CDH8: variants seen among roughly 807,000 people sequenced by gnomAD.
CDH8 encodes the protein cadherin 8.
In CDH8, 17 loss-of-function variants were observed where a neutral mutation model predicts 68.1. The ratio of observed to expected loss-of-function variants is 0.25; its 90% CI spans 0.17 to 0.37. The LOEUF is 0.37. Ranked by LOEUF, CDH8 falls within the 10% of genes least tolerant of loss-of-function variation. The pLI, the probability that CDH8 is intolerant of heterozygous loss-of-function variation, is 1.00. For missense variants in CDH8, 763 were observed against 999.3 expected (o/e 0.76, Z 3.19); for synonymous variants, 372 against 365.1 (o/e 1.02, Z -0.21).
At chr16:61,820,325 T>TTG (rs1389478364) in intron 6 of CDH8, among the ~76,000 whole-genome samples, 1 of 147,892 alleles carries the variant, frequency 6.8e-6, no homozygotes, top group East Asian at 2.0e-4. Context: ...TTTTTTTTTT[T>TTG]TTTTTTTTTT....
At chr16:61,690,559 T>A (rs932321519) in intron 10 of CDH8, among the ~76,000 whole-genome samples, 4 of 152,082 alleles carry the variant, frequency 2.6e-5, no homozygotes, top group African/African-American at 9.7e-5. Context: ...ATTTGTACAC[T>A]TTTGATAAGC....
Position 61,694,116 on chromosome 16 carries a change from G to A in CDH8, c.1654+19725C>T, listed in dbSNP as rs77702101. ...CAGAGTGAGGAATCCTATTTTGATCGATCATAATCTAAAATTGACTTTTGT... is the reference window on the plus strand; with the variant it reads ...CAGAGTGAGGAATCCTATTTTGATCAATCATAATCTAAAATTGACTTTTGT... On this transcript the variant is annotated intron_variant, in intron 10 of 11. Coordinates refer to ENST00000577390, the MANE Select transcript of CDH8 (RefSeq NM_001796.5). Among the ~76,000 whole-genome samples, 937 of 152,210 alleles carry A rather than the reference G, an allele frequency of 6.2e-3. 9 individuals carry two copies. Among genetic ancestry groups the A allele is most frequent in the African/African-American group, 0.022 (902 of 41,528 alleles).
intron 7 of CDH8, among the ~76,000 whole-genome samples, chr16:61,800,646 G>T (rs1567476311): frequency 6.6e-6 from 1 of 152,148 alleles, no homozygotes; most frequent in African/African-American, 2.4e-5. Flanking sequence ...CTGTTTCAAA[G>T]GCACTTCAGC....
At position 61,971,111 on chromosome 16, in the gene CDH8, C is replaced by G. The variant is rs372996344; in HGVS notation, c.252+50041G>C. ...GATCCACCCTGCCCGCAAAACATTG[C>G]TCTTAACTTCACCGCCTATCCCAAA... On this transcript the variant is annotated intron_variant, in intron 2 of 11. Coordinates refer to ENST00000577390, the MANE Select transcript of CDH8 (RefSeq NM_001796.5). 1.7e-4 allele frequency among the ~76,000 whole-genome samples: 26 copies of G among 152,284 alleles called. No homozygotes were observed. In the East Asian group the frequency reaches 4.9e-3, roughly 28 times the overall value.
At position 61,900,555 on chromosome 16, in the gene CDH8, T is replaced by C. The variant is rs534113435; in HGVS notation, c.547+624A>G. Among the ~76,000 whole-genome samples the C allele has an allele frequency of 2.6e-5, 4 of 152,282 alleles. 1 individual carries two copies. In the South Asian group the frequency reaches 8.3e-4, roughly 32 times the overall value. The stretch of plus-strand genomic sequence containing the variant: ...AGAGGGAGAAACAAGAATAAAATCA[T>C]GTTTGAAATACAGACTGCTCTGTAA... On this transcript the variant is annotated intron_variant, in intron 3 of 11. Coordinates refer to ENST00000577390, the MANE Select transcript of CDH8 (RefSeq NM_001796.5).
intron 4 of CDH8, among the ~76,000 whole-genome samples, chr16:61,854,123 T>C (rs1962997353): frequency 8.1e-6 from 1 of 124,068 alleles, no homozygotes; most frequent in Non-Finnish European, 1.6e-5. Context: ...TGCACACATA[T>C]ACACATACAC....
intron 8 of CDH8, among the ~76,000 whole-genome samples, chr16:61,754,827 T>C (rs1416977818): frequency 6.6e-6 from 1 of 152,108 alleles, no homozygotes; most frequent in African/African-American, 2.4e-5. Flanking sequence ...GGGTATATTG[T>C]ATGATGTGAT....
chr16:61,912,741 A>G (rs1964181280), intron 2 of CDH8, among the ~76,000 whole-genome samples: 1 of 152,086 alleles, frequency 6.6e-6, no homozygotes, highest in South Asian at 2.1e-4. Flanking sequence ...TTTTATTCAA[A>G]TGTTATTAAT....
At chr16:61,748,349 C>T (rs10500454) in intron 8 of CDH8, among the ~76,000 whole-genome samples, 20,644 of 151,932 alleles carry the variant, frequency 0.14, 1,764 homozygotes, top group Middle Eastern at 0.21. Context: ...CTCATAAACA[C>T]TTAACATATG....
chr16:61,770,807 C>G (rs1777815579), intron 8 of CDH8, among the ~76,000 whole-genome samples: 1 of 151,944 alleles, frequency 6.6e-6, no homozygotes, highest in African/African-American at 2.4e-5. Context: ...CTCTCCACTA[C>G]AGAAACTTCA....
intron 2 of CDH8, among the ~76,000 whole-genome samples, chr16:62,020,092 T>G (rs1228004500): frequency 6.6e-6 from 1 of 152,200 alleles, no homozygotes; most frequent in Non-Finnish European, 1.5e-5. Context: ...GGAGGCTCAA[T>G]TTGTTTTGCA....
chr16:61,791,003 C>T (rs1004084691), intron 7 of CDH8, among the ~76,000 whole-genome samples: 2 of 151,208 alleles, frequency 1.3e-5, no homozygotes, highest in African/African-American at 4.9e-5. Flanking sequence ...ATCCTGCCCA[C>T]CAAAGATAAG....
intron 8 of CDH8, among the ~76,000 whole-genome samples, chr16:61,768,370 CTTTCTCTCTCTCTCTCTCTCTCTCCCTT>C (rs1960676276): frequency 7.2e-4 from 26 of 36,006 alleles, no homozygotes; most frequent in African/African-American, 3.1e-3. Context: ...CTCTCTCTCC[CTTTCTCTCTCTCTCTCTCTCTCTCCCTT>C]TCTCTCTCTC....
At position 61,901,404 on chromosome 16, in the gene CDH8, T is replaced by C. The variant is rs768647754; in HGVS notation, c.322A>G (p.Ile108Val). Residue 108 changes from isoleucine to valine, a missense_variant, in exon 3 of 12, where the codon ATA becomes GTA. Ile to Val is a conservative substitution (Grantham distance 29, BLOSUM62 3). Around this residue, in one of 2 missense-constraint regions of CDH8, gnomAD observed 366 missense variants for 563.1 expected, o/e 0.65. Coordinates refer to ENST00000577390, the MANE Select transcript of CDH8 (RefSeq NM_001796.5). ...YILSGDGAGT[I>V]FQINDVTGDI... ...CCAGTTACATCATTTATTTGAAATA[T>C]GGTCCCAGCTCCATCACCTGATAGG... The C allele has an allele frequency of 4.3e-6, 7 of 1,613,918 alleles. No individual in the cohort carries two copies. The highest frequency in any genetic ancestry group is 5.9e-6 in the Non-Finnish European group (7 of 1,179,828).
chr16:61,682,689 G>A (rs1464120058), intron 10 of CDH8, among the ~76,000 whole-genome samples: 1 of 151,564 alleles, frequency 6.6e-6, no homozygotes, highest in Non-Finnish European at 1.5e-5. Context: ...ATGTGTTTTG[G>A]CTTACAAGTG....
At chr16:61,916,132 C>G (rs934643572) in intron 2 of CDH8, among the ~76,000 whole-genome samples, 1 of 152,196 alleles carries the variant, frequency 6.6e-6, no homozygotes, top group African/African-American at 2.4e-5. Context: ...TCTCTCATTC[C>G]TTCCTCCAAG....
chr16:61,825,277 C>A (rs1962304388), intron 4 of CDH8, 98 bp from the exon 5 acceptor site: 1 of 847,074 alleles, frequency 1.2e-6, no homozygotes, highest in African/African-American at 1.7e-5. Flanking sequence ...AAGCATACAC[C>A]AAGTCCCTAG....
At chr16:61,831,874 G>T (rs1309618026) in intron 4 of CDH8, among the ~76,000 whole-genome samples, 1 of 151,734 alleles carries the variant, frequency 6.6e-6, no homozygotes, top group East Asian at 1.9e-4. Flanking sequence ...CATTATCCTG[G>T]TTATGAAACC....
chr16:61,698,020 G>A (rs1050905890), intron 10 of CDH8, among the ~76,000 whole-genome samples: 3 of 152,252 alleles, frequency 2.0e-5, no homozygotes, highest in African/African-American at 7.2e-5. Flanking sequence ...GCTTGAGTGG[G>A]ATTTTCTGAC....
Sources: allele counts gnomAD v4.1 joint callset (sites outside exome capture counted in the v4.1 genomes callset), GRCh38; gene constraint gnomAD v4.1.1; regional missense constraint gnomAD v4.1.1; transcripts MANE v1.5; gene names NCBI Gene and HGNC (gene_info 2026-07-23, HGNC 2026-07-21).